The following MBNL2 variants were observed in gnomAD, a reference collection of about 807,000 sequenced individuals.
MBNL2 encodes muscleblind-like protein 2.
MBNL2 carries 17 observed loss-of-function variants against 41.9 expected under a neutral mutation model. The ratio of observed to expected loss-of-function variants is 0.41; its 90% CI spans 0.28 to 0.61. MBNL2 has a LOEUF of 0.61. Ranked by LOEUF, MBNL2 falls within the 20% of genes least tolerant of loss-of-function variation. The pLI is 0.35. For synonymous variants in MBNL2, 195 were observed against 182.9 expected, an observed-to-expected ratio of 1.07 and a Z score of -0.53; for missense variants, 336 against 505.6, an observed-to-expected ratio of 0.66 and a Z score of 3.22.
Position 97,341,087 on chromosome 13 carries a change from C to T in MBNL2, c.340-1929C>T, listed in dbSNP as rs200133799. Among the ~76,000 whole-genome samples, 8 of 152,184 alleles carry T rather than the reference C, an allele frequency of 5.3e-5. No homozygotes were observed. In the East Asian group the frequency reaches 1.3e-3, roughly 26 times the overall value. ...GAGGGCTCTTTTATCTAAATGTTTA[C>T]GTTGATAGTCTCTGGGTTAAATTAC... On this transcript the variant is annotated intron_variant, in intron 3 of 8. Coordinates refer to ENST00000679496, the MANE Select transcript of MBNL2 (RefSeq NM_001382683.1).
At chr13:97,310,419 T>TC (rs2058486127) in intron 2 of MBNL2, among the ~76,000 whole-genome samples, 2 of 137,484 alleles carry the variant, frequency 1.5e-5, no homozygotes, top group Admixed American at 1.4e-4. Context: ...CTCCTATTTC[T>TC]TTTTTTTTTT....
intron 1 of MBNL2, among the ~76,000 whole-genome samples, chr13:97,267,405 G>A (rs2050040714): frequency 6.6e-6 from 1 of 152,128 alleles, no homozygotes; most frequent in South Asian, 2.1e-4. Context: ...ACAGTTGAAC[G>A]GCACATCCTT....
intron 8 of MBNL2, among the ~76,000 whole-genome samples, chr13:97,383,017 C>T (rs763829052): frequency 4.6e-5 from 7 of 152,136 alleles, no homozygotes; most frequent in Non-Finnish European, 1.0e-4. Flanking sequence ...AGAACGCCAG[C>T]GGAAAGGGCC....
chr13:97,311,518 C>T (rs1022698886), intron 2 of MBNL2, among the ~76,000 whole-genome samples: 7 of 152,058 alleles, frequency 4.6e-5, no homozygotes, highest in African/African-American at 1.7e-4. Context: ...GCTTTTCATT[C>T]TAGCTATGCT....
chr13:97,145,803 G>A, the MBNL2 span, among the ~76,000 whole-genome samples: 7 of 152,094 alleles, frequency 4.6e-5, no homozygotes, highest in African/African-American at 1.7e-4. Flanking sequence ...GGTGCTATAA[G>A]GCTTCTTCCT....
intron 2 of MBNL2, among the ~76,000 whole-genome samples, chr13:97,322,533 A>G (rs972990142): frequency 6.6e-6 from 1 of 152,246 alleles, no homozygotes; most frequent in Non-Finnish European, 1.5e-5. Flanking sequence ...ACTATTTTCC[A>G]TTAACCATGG....
intron 5 of MBNL2, 137 bp downstream of exon 5, chr13:97,347,204 C>A: frequency 1.5e-6 from 1 of 685,368 alleles, no homozygotes; most frequent in Non-Finnish European, 2.3e-6. Flanking sequence ...CTAAGTTTTG[C>A]TGTTGTTTTC....
chr13:97,225,353 G>A (rs1358758746), intron 1 of MBNL2, among the ~76,000 whole-genome samples: 1 of 152,162 alleles, frequency 6.6e-6, no homozygotes, highest in East Asian at 1.9e-4. Flanking sequence ...AGATGAAAAG[G>A]AAGGTATACT....
At chr13:97,161,957 G>T in the MBNL2 span, among the ~76,000 whole-genome samples, 1 of 152,202 alleles carries the variant, frequency 6.6e-6, no homozygotes, top group Admixed American at 6.5e-5. Flanking sequence ...ACCTGAGACT[G>T]GGTAATTTGT....
chr13:97,262,282 C>A (rs1213342195), intron 1 of MBNL2, among the ~76,000 whole-genome samples: 1 of 152,206 alleles, frequency 6.6e-6, no homozygotes, highest in Admixed American at 6.5e-5. Flanking sequence ...CAGAAACCAC[C>A]CCCTTGAAAG....
At chr13:97,148,308 C>T in the MBNL2 span, among the ~76,000 whole-genome samples, 1 of 151,808 alleles carries the variant, frequency 6.6e-6, no homozygotes, top group East Asian at 1.9e-4. Context: ...GAAGGACAAC[C>T]TCTGTTAGAG....
chr13:97,236,190 A>T (rs889765645), intron 1 of MBNL2, among the ~76,000 whole-genome samples: 1 of 152,156 alleles, frequency 6.6e-6, no homozygotes, highest in Non-Finnish European at 1.5e-5. Context: ...ACTGAAAATT[A>T]GAAACACTTT....
At chr13:97,223,360 A>G (rs918678615) in intron 1 of MBNL2, among the ~76,000 whole-genome samples, 6 of 152,198 alleles carry the variant, frequency 3.9e-5, no homozygotes, top group Non-Finnish European at 8.8e-5. Flanking sequence ...GATGGAGAAG[A>G]TTTATTTTTA....
chr13:97,379,055 A>G (rs2065201282), intron 8 of MBNL2, among the ~76,000 whole-genome samples: 1 of 152,210 alleles, frequency 6.6e-6, no homozygotes, highest in South Asian at 2.1e-4. Flanking sequence ...ATTGGAATCT[A>G]TGGTCAGTGT....
rs140973008 is a variant in MBNL2, at chr13:97,345,482, A to T, written c.541-1322A>T. Among the ~76,000 whole-genome samples, 800 of 152,328 alleles carry T rather than the reference A, an allele frequency of 5.3e-3. 4 individuals are homozygous for T. The highest frequency in any genetic ancestry group is 8.3e-3 in the Non-Finnish European group (564 of 68,012). On this transcript the variant is annotated intron_variant, in intron 4 of 8. Transcript: ENST00000679496. ...CTTGATCCACCAGAATTCTCAGGGG[A>T]TAGAGAATCCTAGTTACTTGAGATT...
the MBNL2 span, among the ~76,000 whole-genome samples, chr13:97,155,703 A>G: frequency 6.6e-6 from 1 of 151,986 alleles, no homozygotes; most frequent in Non-Finnish European, 1.5e-5. Flanking sequence ...AATTTCATCC[A>G]TGTCCCTACA....
chr13:97,380,320 C>T (rs2065321776), intron 8 of MBNL2, among the ~76,000 whole-genome samples: 1 of 152,006 alleles, frequency 6.6e-6, no homozygotes, highest in Admixed American at 6.6e-5. Context: ...ATGGTGAAAC[C>T]CCATCTCTAC....
chr13:97,351,699 A>G (rs1468899452), intron 5 of MBNL2, among the ~76,000 whole-genome samples: 1 of 152,106 alleles, frequency 6.6e-6, no homozygotes, highest in African/African-American at 2.4e-5. Flanking sequence ...TTCAGCCTTC[A>G]TAGAATTGAG....
the MBNL2 span, among the ~76,000 whole-genome samples, chr13:97,206,241 A>G: frequency 5.6e-4 from 86 of 152,234 alleles, no homozygotes; most frequent in Non-Finnish European, 1.1e-3. Context: ...CAAGCCACGT[A>G]GATTTTTTTT....
Sources: allele counts gnomAD v4.1 joint callset (sites outside exome capture counted in the v4.1 genomes callset), GRCh38; gene constraint gnomAD v4.1.1; transcripts MANE v1.5; gene names NCBI Gene and HGNC (gene_info 2026-07-23, HGNC 2026-07-21).